The following SEC24B variants were observed in gnomAD, a reference collection of about 807,000 sequenced individuals.
SEC24B encodes the protein SEC24 homolog B, COPII component, also known as protein transport protein Sec24B.
A neutral mutation model predicts 142.8 loss-of-function variants in SEC24B; 45 were observed. That is an observed-to-expected ratio of 0.32 (90% CI 0.25 to 0.40). SEC24B has a LOEUF of 0.40. Ranked by LOEUF, SEC24B falls within the 10% of genes least tolerant of loss-of-function variation. The pLI, the probability that SEC24B is intolerant of heterozygous loss-of-function variation, is 1.00. For missense variants in SEC24B, 1,409 were observed against 1,526.8 expected, an observed-to-expected ratio of 0.92 and a Z score of 1.29; for synonymous variants, 574 against 568.2, an observed-to-expected ratio of 1.01 and a Z score of -0.15.
Position 109,463,502 on chromosome 4 carries a change from A to G in SEC24B, c.735A>G (p.Ser245=), listed in dbSNP as rs1359678910. The change falls in exon 2 of 24, where the codon TCA becomes TCG. Residue 245 remains serine, a synonymous_variant. Transcript: ENST00000265175. ...CATCGCCACTTCCACCTCTACCATC[A>G]CAACAGCACCACCAGCAGCAAAGTC... ...SHPSPLPPLP[S]QQHHQQQSLS... is the part of the protein sequence containing the mutation. 1.9e-6 allele frequency: 3 copies of G among 1,613,918 alleles called. No homozygotes were observed. Among genetic ancestry groups the G allele is most frequent in the Admixed American group, 1.7e-5 (1 of 59,978 alleles).
chr4:109,460,346 T>G (rs1053784716), intron 1 of SEC24B, among the ~76,000 whole-genome samples: 1 of 152,202 alleles, frequency 6.6e-6, no homozygotes, highest in Non-Finnish European at 1.5e-5. Context: ...TGTGTACTTG[T>G]GTCAGTGGAG....
chr4:109,449,438 C>T (rs927687289), intron 1 of SEC24B: 1 of 428,490 alleles, frequency 2.3e-6, no homozygotes, highest in Admixed American at 2.5e-5. Context: ...CACCATGTTG[C>T]CCAAGCTAGT....
chr4:109,456,143 A>G (rs926535907), intron 1 of SEC24B, among the ~76,000 whole-genome samples: 1 of 152,022 alleles, frequency 6.6e-6, no homozygotes, highest in African/African-American at 2.4e-5. Flanking sequence ...ATTATAAATG[A>G]TACTGTTTTT....
intron 1 of SEC24B, among the ~76,000 whole-genome samples, chr4:109,449,016 G>T (rs1206571073): frequency 6.6e-6 from 1 of 150,952 alleles, no homozygotes; most frequent in African/African-American, 2.4e-5. Flanking sequence ...CTTTGAGTTT[G>T]CTGATGCTTT....
At chr4:109,443,136 C>T (rs1729091560) in intron 1 of SEC24B, among the ~76,000 whole-genome samples, 1 of 152,164 alleles carries the variant, frequency 6.6e-6, no homozygotes, top group Non-Finnish European at 1.5e-5. Flanking sequence ...CTCTCTGCCT[C>T]CCTTTCCAAT....
At chr4:109,467,323 C>CT (rs1462415509) in intron 2 of SEC24B, among the ~76,000 whole-genome samples, 2 of 114,696 alleles carry the variant, frequency 1.7e-5, no homozygotes, top group African/African-American at 3.4e-5. Context: ...GAGACTCCGT[C>CT]TCAAAAAAAA....
At chr4:109,441,091 C>G (rs986263591) in intron 1 of SEC24B, among the ~76,000 whole-genome samples, 3 of 152,132 alleles carry the variant, frequency 2.0e-5, no homozygotes, top group Admixed American at 6.5e-5. Flanking sequence ...TCATTTGTAA[C>G]AGGAACTGAG....
intron 22 of SEC24B, among the ~76,000 whole-genome samples, chr4:109,536,666 A>T (rs762038324): frequency 2.6e-5 from 4 of 152,006 alleles, no homozygotes; most frequent in Admixed American, 6.6e-5. Flanking sequence ...GGTAGCTGGG[A>T]CTACAGGCGC....
chr4:109,451,458 T>C (rs1730079677), intron 1 of SEC24B, among the ~76,000 whole-genome samples: 1 of 151,974 alleles, frequency 6.6e-6, no homozygotes, highest in African/African-American at 2.4e-5. Flanking sequence ...ACTCCCAAAG[T>C]GCCAATACTA....
Position 109,506,356 on chromosome 4 carries a change from C to G in SEC24B, c.1517C>G (p.Ser506Cys). The G allele has an allele frequency of 6.3e-7, 1 of 1,585,322 alleles. No homozygotes were observed. The highest frequency in any genetic ancestry group is 8.6e-7 in the Non-Finnish European group (1 of 1,167,204). The change falls in exon 7 of 24, where the codon TCC (serine) becomes TGC (cysteine). Residue 506 changes from serine (S) to cysteine (C), a missense_variant. Transcript: ENST00000265175. ...QQYPGVNQLS[S>C]SIGGLSLQSS... is the part of the protein sequence containing the mutation. Reference sequence around the variant, plus strand: ...TATCCTGGTGTGAACCAGCTATCCTCCAGTATAGGAGGATTGAGTCTTCAG... The same window carrying G: ...TATCCTGGTGTGAACCAGCTATCCTGCAGTATAGGAGGATTGAGTCTTCAG...
At chr4:109,537,095 T>A (rs1444935745) in intron 22 of SEC24B, among the ~76,000 whole-genome samples, 1 of 152,074 alleles carries the variant, frequency 6.6e-6, no homozygotes, top group African/African-American at 2.4e-5. Context: ...CAAAACTGGG[T>A]AAAGGATTTT....
Position 109,463,499 on chromosome 4 carries a change from A to G in SEC24B, c.732A>G (p.Pro244=), listed in dbSNP as rs1213771522. The G allele has an allele frequency of 1.5e-5, 24 of 1,613,976 alleles. No homozygotes were observed. Among genetic ancestry groups the G allele is most frequent in the Non-Finnish European group, 1.9e-5 (22 of 1,180,020 alleles). The change falls in exon 2 of 24, where the codon CCA becomes CCG. Residue 244 remains proline, a synonymous_variant. Transcript: ENST00000265175. ...ISHPSPLPPL[P]SQQHHQQQSL... ...ATCCATCGCCACTTCCACCTCTACCATCACAACAGCACCACCAGCAGCAAA... is the reference window on the plus strand; with the variant it reads ...ATCCATCGCCACTTCCACCTCTACCGTCACAACAGCACCACCAGCAGCAAA...
chr4:109,435,082 G>A (rs1241308299), intron 1 of SEC24B, among the ~76,000 whole-genome samples: 1 of 152,174 alleles, frequency 6.6e-6, no homozygotes. Context: ...TGATTGACCT[G>A]TTTTATCTAA....
chr4:109,527,213 C>G lies in SEC24B; in HGVS notation c.2966-109C>G. The G allele has an allele frequency of 1.1e-5, 8 of 724,688 alleles. No individual in the cohort carries two copies. The South Asian group carries it at 1.5e-4, about 13-fold the overall frequency. 44.9% of individuals were successfully genotyped at this position (724,688 alleles called of 1,614,324 possible). On this transcript the variant is annotated intron_variant, in intron 17 of 23. Transcript: ENST00000265175. ...CAGCCTAAGAGACAGAGCAAGACTC[C>G]GTCTCAAAAAAAAAAAAAAGAAAGA... is the stretch of plus-strand genomic sequence containing the variant.
At chr4:109,461,293 T>C (rs965540610) in intron 1 of SEC24B, among the ~76,000 whole-genome samples, 1 of 152,212 alleles carries the variant, frequency 6.6e-6, no homozygotes, top group Non-Finnish European at 1.5e-5. Flanking sequence ...AGGTATAAAT[T>C]GATAGACCTT....
At chr4:109,483,149 G>A (rs1371753462) in intron 4 of SEC24B, among the ~76,000 whole-genome samples, 1 of 148,312 alleles carries the variant, frequency 6.7e-6, no homozygotes, top group Admixed American at 6.8e-5. Context: ...GAGCGATCTC[G>A]GCTCACTGCA....
chr4:109,486,458 C>T (rs1474022287), intron 4 of SEC24B, among the ~76,000 whole-genome samples: 1 of 152,190 alleles, frequency 6.6e-6, no homozygotes, highest in Admixed American at 6.5e-5. Flanking sequence ...TCTTCTCTAG[C>T]TTCAAGGATT....
At chr4:109,537,287 A>G (rs1725664624) in intron 22 of SEC24B, among the ~76,000 whole-genome samples, 1 of 152,224 alleles carries the variant, frequency 6.6e-6, no homozygotes, top group Admixed American at 6.5e-5. Flanking sequence ...ACTGTTGAGC[A>G]TTATTGACTG....
intron 1 of SEC24B, among the ~76,000 whole-genome samples, chr4:109,450,327 G>A (rs894806565): frequency 6.6e-6 from 1 of 152,124 alleles, no homozygotes; most frequent in Non-Finnish European, 1.5e-5. Flanking sequence ...TTCTTTGGGA[G>A]ATACTTTGAA....
Sources: gnomAD v4.1 joint callset for allele counts (sites outside exome capture counted in the v4.1 genomes callset) on GRCh38, gnomAD v4.1.1 for gene constraint, MANE v1.5 for transcripts, NCBI Gene and HGNC (gene_info 2026-07-23, HGNC 2026-07-21) for gene names.